The following ADARB2 variants were observed in gnomAD, a reference collection of about 807,000 sequenced individuals.
ADARB2 encodes inactive double-stranded RNA-specific editase B2.
ADARB2 carries 25 observed loss-of-function variants against 62.2 expected under a neutral mutation model. The observed-to-expected ratio is 0.40, with a 90% CI of 0.29 to 0.56. The LOEUF (loss-of-function observed/expected upper bound fraction) is 0.56. Among genes scored for constraint, ADARB2 ranks in the 20% least tolerant of loss-of-function variants. The pLI, the probability that ADARB2 is intolerant of heterozygous loss-of-function variation, is 0.43. For missense variants in ADARB2, 1,071 were observed against 1,077.4 expected, an observed-to-expected ratio of 0.99 and a Z score of 0.08; for synonymous variants, 572 against 500.8, an observed-to-expected ratio of 1.14 and a Z score of -1.90.
At chr10:1,559,385 G>A (rs1182134665) in intron 1 of ADARB2, among the ~76,000 whole-genome samples, 1 of 152,180 alleles carries the variant, frequency 6.6e-6, no homozygotes, top group African/African-American at 2.4e-5. Flanking sequence ...GTCTCTCTAA[G>A]ATCCTGCAAG....
intron 1 of ADARB2, among the ~76,000 whole-genome samples, chr10:1,515,845 T>G (rs1283416945): frequency 6.6e-6 from 1 of 152,222 alleles, no homozygotes; most frequent in African/African-American, 2.4e-5. Context: ...TGTGAGCAGA[T>G]TTTTCTGATT....
At chr10:1,393,790 C>T (rs1832589671) in intron 1 of ADARB2, among the ~76,000 whole-genome samples, 1 of 152,084 alleles carries the variant, frequency 6.6e-6, no homozygotes, top group Non-Finnish European at 1.5e-5. Flanking sequence ...ACAGGTGGTC[C>T]TTCAAATGAT....
chr10:1,703,412 G>C (rs1310160642), intron 1 of ADARB2, among the ~76,000 whole-genome samples: 1 of 152,170 alleles, frequency 6.6e-6, no homozygotes, highest in South Asian at 2.1e-4. Flanking sequence ...CTGGATGCTG[G>C]TGAGCAGTGA....
chr10:1,337,060 TTCTGTG>T (rs988955418), intron 3 of ADARB2, among the ~76,000 whole-genome samples: 1 of 82,518 alleles, frequency 1.2e-5, no homozygotes, highest in African/African-American at 4.7e-5. Flanking sequence ...ACTTAAAGAT[TTCTGTG>T]TGTGTGTGTG....
intron 1 of ADARB2, among the ~76,000 whole-genome samples, chr10:1,407,196 A>G (rs1403023851): frequency 6.6e-6 from 1 of 152,062 alleles, no homozygotes; most frequent in Non-Finnish European, 1.5e-5. Flanking sequence ...CGGACCCCAT[A>G]CTGATTTGCT....
intron 1 of ADARB2, among the ~76,000 whole-genome samples, chr10:1,656,960 G>T (rs1301590146): frequency 2.0e-5 from 3 of 151,260 alleles, no homozygotes; most frequent in Non-Finnish European, 2.9e-5. Context: ...GAAAAATCAA[G>T]GAACTCTCTC....
At chr10:1,450,389 T>C (rs912345067) in intron 1 of ADARB2, among the ~76,000 whole-genome samples, 1 of 152,210 alleles carries the variant, frequency 6.6e-6, no homozygotes, top group African/African-American at 2.4e-5. Flanking sequence ...GCATTTTGGT[T>C]GCTGTAGGAG....
chr10:1,662,778 C>T (rs953181651), intron 1 of ADARB2, among the ~76,000 whole-genome samples: 1 of 152,188 alleles, frequency 6.6e-6, no homozygotes, highest in Non-Finnish European at 1.5e-5. Flanking sequence ...GTGACCACGC[C>T]GGGTGCCCAG....
chr10:1,340,097 G>A (rs545285161), intron 3 of ADARB2, among the ~76,000 whole-genome samples: 18 of 151,066 alleles, frequency 1.2e-4, no homozygotes, highest in East Asian at 7.8e-4. Flanking sequence ...GCCCCACAGC[G>A]GCAATAACCG....
At position 1,634,462 on chromosome 10, in the gene ADARB2, C is replaced by T. The variant is rs139649734; in HGVS notation, c.100+102589G>A. Among the ~76,000 whole-genome samples the T allele has an allele frequency of 1.7e-3, 264 of 152,256 alleles. 2 individuals are homozygous for T. The highest frequency in any genetic ancestry group is 6.1e-3 in the African/African-American group (253 of 41,544). ...GGACCATCTGAGCTGAGAGGAGGGG[C>T]GGCCGGCTGGCCCTGGGCTCTGGAA... On this transcript the variant is annotated intron_variant, in intron 1 of 9. Transcript: ENST00000381312.
At chr10:1,381,416 T>C (rs1254380835) in intron 1 of ADARB2, among the ~76,000 whole-genome samples, 1 of 152,204 alleles carries the variant, frequency 6.6e-6, no homozygotes, top group Non-Finnish European at 1.5e-5. Context: ...AGCCAGAAGA[T>C]AATGTGTTGG....
chr10:1,181,860 A>G lies in ADARB2; in HGVS notation c.*1333T>C, dbSNP rs1836679454. 6.6e-6 allele frequency: 1 copy of G among 152,242 alleles called. No homozygotes were observed. The highest frequency in any genetic ancestry group is 1.5e-5 in the Non-Finnish European group (1 of 68,042). 9.4% of individuals were successfully genotyped at this position (152,242 alleles called of 1,614,324 possible). On this transcript the variant is annotated 3_prime_UTR_variant, in exon 10 of 10. Coordinates refer to ENST00000381312, the MANE Select transcript of ADARB2 (RefSeq NM_018702.4). ...GAGTTCTCGGAGGTGAGATGACAGC[A>G]GCTCGAGGTACATGGATTACGTAAA...
intron 1 of ADARB2, among the ~76,000 whole-genome samples, chr10:1,691,603 G>A (rs1394277713): frequency 6.6e-6 from 1 of 152,062 alleles, no homozygotes; most frequent in Non-Finnish European, 1.5e-5. Context: ...CTGTTTACTG[G>A]GCTAAATAGA....
chr10:1,233,898 T>G (rs1259211873), intron 5 of ADARB2, 53 bp from the exon 6 acceptor site: 2 of 1,572,186 alleles, frequency 1.3e-6, no homozygotes, highest in African/African-American at 2.7e-5. Flanking sequence ...ACCAGAAATG[T>G]TCCAACCAGG....
chr10:1,385,927 G>A (rs1199067743), intron 1 of ADARB2, among the ~76,000 whole-genome samples: 11 of 152,048 alleles, frequency 7.2e-5, no homozygotes. Context: ...ACTGCAATGA[G>A]AATGACAGAA....
At chr10:1,627,448 C>T (rs535637290) in intron 1 of ADARB2, among the ~76,000 whole-genome samples, 1 of 152,244 alleles carries the variant, frequency 6.6e-6, no homozygotes, top group East Asian at 1.9e-4. Flanking sequence ...TTAAAGGGCA[C>T]AGTTCAATGT....
At chr10:1,257,196 AATCTGGCTGGTTAG>A (rs1831087571) in intron 4 of ADARB2, among the ~76,000 whole-genome samples, 1 of 152,118 alleles carries the variant, frequency 6.6e-6, no homozygotes, top group South Asian at 2.1e-4. Context: ...CCTGGGCTCA[AATCTGGCTGGTTAG>A]TTAGAGCACC....
rs1433594204 is a variant in ADARB2, at chr10:1,200,076, A to G, written c.1754T>C (p.Val585Ala). ...FVEPVYLQSI[V>A]VGSLHHTGHL... The stretch of plus-strand genomic sequence containing the variant: ...GCCCGTGTGGTGCAGGCTGCCCACC[A>G]CGATGCTCTGCAGGTACACGGGCTC... The change falls in exon 8 of 10, where the codon GTG becomes GCG. Residue 585 changes from valine (V) to alanine (A), a missense_variant. Val to Ala is a moderately conservative substitution (Grantham distance 64). Transcript: ENST00000381312. The G allele has an allele frequency of 6.3e-7, 1 of 1,579,892 alleles. No individual in the cohort carries two copies. Among genetic ancestry groups the G allele is most frequent in the Non-Finnish European group, 8.6e-7 (1 of 1,165,414 alleles).
chr10:1,223,760 C>G (rs9651399), intron 6 of ADARB2, among the ~76,000 whole-genome samples: 97,322 of 152,012 alleles, frequency 0.64, 31,591 homozygotes, highest in African/African-American at 0.73. Context: ...GCCTTGCATC[C>G]CAGGGATGAA....
Sources: gnomAD v4.1 joint callset for allele counts (sites outside exome capture counted in the v4.1 genomes callset) on GRCh38, gnomAD v4.1.1 for gene constraint, MANE v1.5 for transcripts, NCBI Gene and HGNC (gene_info 2026-07-23, HGNC 2026-07-21) for gene names.